HSD17B2: variants seen among roughly 807,000 people sequenced by gnomAD.
HSD17B2 encodes the protein 17-beta-hydroxysteroid dehydrogenase type 2.
Under a neutral mutation model 26.9 loss-of-function variants are expected in HSD17B2, and 32 were observed. The observed-to-expected ratio is 1.19, with a 90% confidence interval of 0.90 to 1.60. The LOEUF (loss-of-function observed/expected upper bound fraction) is 1.60, where lower values mean the gene tolerates loss of function less well. Among genes scored for constraint, HSD17B2 ranks in the 40% most tolerant of loss-of-function variants. The pLI is 0.00. For synonymous variants in HSD17B2, 246 were observed against 186.7 expected, an observed-to-expected ratio of 1.32 and a Z score of -2.59; for missense variants, 613 against 468.6, an observed-to-expected ratio of 1.31 and a Z score of -2.85.
At chr16:82,065,850 C>T (rs1373101156) in intron 1 of HSD17B2, among the ~76,000 whole-genome samples, 3 of 152,200 alleles carry the variant, frequency 2.0e-5, no homozygotes, top group Admixed American at 6.5e-5. Flanking sequence ...CTCTTGTTTT[C>T]AGTTTCCTCA....
intron 3 of HSD17B2, among the ~76,000 whole-genome samples, chr16:82,079,982 A>G (rs1294742358): frequency 2.0e-5 from 3 of 152,034 alleles, no homozygotes; most frequent in South Asian, 2.1e-4. Flanking sequence ...GGGCTCCAGA[A>G]GAAGCACGTG....
intron 1 of HSD17B2, chr16:82,044,694 A>C (rs1321722349): frequency 6.6e-6 from 1 of 151,868 alleles, no homozygotes; most frequent in Non-Finnish European, 1.5e-5. Context: ...ACTTTGCTCC[A>C]CCTCCCTGGG....
chr16:82,055,571 A>G (rs1402380958), intron 1 of HSD17B2, among the ~76,000 whole-genome samples: 2 of 152,216 alleles, frequency 1.3e-5, no homozygotes, highest in Non-Finnish European at 2.9e-5. Context: ...TGATTAAGAA[A>G]TCAGCCCAAG....
chr16:82,051,966 G>C (rs938077213), intron 1 of HSD17B2, among the ~76,000 whole-genome samples: 11 of 152,194 alleles, frequency 7.2e-5, no homozygotes, highest in African/African-American at 2.7e-4. Flanking sequence ...CTTGGCACCT[G>C]GTGCAGGTCT....
chr16:82,070,696 C>A, intron 2 of HSD17B2: 1 of 509,440 alleles, frequency 2.0e-6, no homozygotes, highest in South Asian at 3.3e-5. Flanking sequence ...TTAGTAAATT[C>A]TGAAGAGTTT....
chr16:82,051,760 A>T (rs1265838031), intron 1 of HSD17B2, among the ~76,000 whole-genome samples: 1 of 152,198 alleles, frequency 6.6e-6, no homozygotes, highest in Non-Finnish European at 1.5e-5. Context: ...AAGAGCATGG[A>T]CTTCGGAATC....
chr16:82,048,299 T>G (rs1380226740), intron 1 of HSD17B2, among the ~76,000 whole-genome samples: 1 of 152,142 alleles, frequency 6.6e-6, no homozygotes, highest in African/African-American at 2.4e-5. Context: ...AGGAAAATAG[T>G]TACAAACAAC....
chr16:82,077,740 A>G (rs1904310010), intron 3 of HSD17B2, among the ~76,000 whole-genome samples: 1 of 150,804 alleles, frequency 6.6e-6, no homozygotes, highest in Non-Finnish European at 1.5e-5. Context: ...CAAAAGAAAG[A>G]AAGAAAGAAG....
Position 82,071,091 on chromosome 16 carries a change from T to C in HSD17B2, c.628T>C (p.Ser210Pro). 1 of 1,614,124 alleles carries C rather than the reference T, an allele frequency of 6.2e-7. No homozygotes were observed. The highest frequency in any genetic ancestry group is 1.3e-5 in the African/African-American group (1 of 75,034). ...TKTFLPLLRKSKGRLVNVSSM... is the reference protein window; with the variant it reads ...TKTFLPLLRKPKGRLVNVSSM... ...GACGTTTTTGCCTCTTCTTAGAAAATCCAAAGGGAGGCTGGTGAATGTCAG... is the reference window on the plus strand; with the variant it reads ...GACGTTTTTGCCTCTTCTTAGAAAACCCAAAGGGAGGCTGGTGAATGTCAG... Residue 210 changes from serine (S) to proline (P), a missense_variant, in exon 3 of 5, where the codon TCC (serine) becomes CCC (proline). Coordinates refer to ENST00000199936, the MANE Select transcript of HSD17B2 (RefSeq NM_002153.3).
At chr16:82,087,589 A>C (rs1306582452) in intron 3 of HSD17B2, among the ~76,000 whole-genome samples, 1 of 152,240 alleles carries the variant, frequency 6.6e-6, no homozygotes, top group African/African-American at 2.4e-5. Context: ...TTTGATTCAA[A>C]GCATGCTTTT....
intron 1 of HSD17B2, chr16:82,052,347 A>G (rs1914133330): frequency 6.6e-6 from 1 of 152,182 alleles, no homozygotes; most frequent in Non-Finnish European, 1.5e-5. Context: ...GAATTTAACA[A>G]AGATGTTGTC....
At chr16:82,080,559 G>C (rs577929256) in intron 3 of HSD17B2, among the ~76,000 whole-genome samples, 1 of 152,286 alleles carries the variant, frequency 6.6e-6, no homozygotes, top group East Asian at 1.9e-4. Context: ...CTGACTCCTT[G>C]ATTTTATCAT....
Position 82,042,129 on chromosome 16 carries a change from G to A in HSD17B2, c.265+6440G>A, listed in dbSNP as rs180739480. ...GCAATTCTCCTTGCCTCAGCCTCCC[G>A]AGTAGCTGGGATTACAGGGGCCCAC... On this transcript the variant is annotated intron_variant, in intron 1 of 4. Coordinates refer to ENST00000199936, the MANE Select transcript of HSD17B2 (RefSeq NM_002153.3). Among the ~76,000 whole-genome samples, 61 of 151,358 alleles carry A rather than the reference G, an allele frequency of 4.0e-4. 1 individual carries two copies. The East Asian group carries it at 7.6e-3, about 19-fold the overall frequency.
chr16:82,090,823 T>C, intron 3 of HSD17B2, 79 bp from the exon 4 acceptor site: 2 of 1,358,230 alleles, frequency 1.5e-6, no homozygotes, highest in Non-Finnish European at 2.0e-6. Flanking sequence ...CTACATACAG[T>C]AGACACTGAT....
intron 1 of HSD17B2, among the ~76,000 whole-genome samples, chr16:82,067,715 T>C (rs1026453974): frequency 6.6e-6 from 1 of 152,246 alleles, no homozygotes. Context: ...CCTCTGTTAT[T>C]GCCCTGTGTC....
intron 1 of HSD17B2, among the ~76,000 whole-genome samples, chr16:82,067,794 G>C (rs1914607021): frequency 6.6e-6 from 1 of 152,234 alleles, no homozygotes; most frequent in East Asian, 1.9e-4. Flanking sequence ...TTTACAGAGT[G>C]AGTGAAGTTA....
intron 1 of HSD17B2, among the ~76,000 whole-genome samples, chr16:82,051,223 C>T (rs1181504282): frequency 6.6e-6 from 1 of 152,188 alleles, no homozygotes; most frequent in Non-Finnish European, 1.5e-5. Flanking sequence ...GTAATGATAG[C>T]ATTGCGTACG....
rs78695663 is a variant in HSD17B2, at chr16:82,042,913, A to T, written c.265+7224A>T. The stretch of plus-strand genomic sequence containing the variant: ...TGGCATTACAGGTGTAAGCCACTGC[A>T]TCTGGTCTCTTTCTTATATTTTAAA... On this transcript the variant is annotated intron_variant, in intron 1 of 4. Coordinates refer to ENST00000199936, the MANE Select transcript of HSD17B2 (RefSeq NM_002153.3). Among the ~76,000 whole-genome samples the T allele has an allele frequency of 4.9e-3, 746 of 152,282 alleles. 8 individuals are homozygous for T. The highest frequency in any genetic ancestry group is 0.017 in the African/African-American group (705 of 41,566).
intron 1 of HSD17B2, among the ~76,000 whole-genome samples, chr16:82,040,959 T>G (rs16956279): frequency 0.035 from 5,271 of 152,264 alleles, 320 homozygotes; most frequent in African/African-American, 0.12. Context: ...GTCTACCAGA[T>G]GATTTTTACA....
Sources: allele counts gnomAD v4.1 joint callset (sites outside exome capture counted in the v4.1 genomes callset), GRCh38; gene constraint gnomAD v4.1.1; transcripts MANE v1.5; gene names NCBI Gene and HGNC (gene_info 2026-07-23, HGNC 2026-07-21).